PTPRG: variants seen among roughly 807,000 people sequenced by gnomAD.
PTPRG encodes protein tyrosine phosphatase receptor type G.
Under a neutral mutation model 165.3 loss-of-function variants are expected in PTPRG, and 102 were observed. That is an observed-to-expected ratio of 0.62 (90% CI 0.53 to 0.73). PTPRG has a LOEUF of 0.73. PTPRG is among the 30% of genes least tolerant of loss of function. The probability of loss-of-function intolerance (pLI) is 0.00; values close to 1 mark genes in which losing one functional copy is unlikely to be tolerated. For missense variants in PTPRG, 1,866 were observed against 1,861.4 expected (o/e 1.00, Z -0.05); for synonymous variants, 675 against 669.5 (o/e 1.01, Z -0.13).
rs1216976535 is a variant in PTPRG at position 62,190,872 on chromosome 3, A to T, written c.1034-597A>T. 6.6e-6 allele frequency among the ~76,000 whole-genome samples: 1 copy of T among 152,212 alleles called. No individual in the cohort carries two copies. The highest frequency in any genetic ancestry group is 1.5e-5 in the Non-Finnish European group (1 of 68,038). ...AGGATCTTTTGGAGACAGCGGGGAA[A>T]ATTTGAATATGGACTATATATGAGA... On this transcript the variant is annotated intron_variant, in intron 8 of 29. Coordinates refer to ENST00000474889, the MANE Select transcript of PTPRG (RefSeq NM_002841.4). This position sits in a 1 kb window ranked among gnomAD's most constrained non-coding sequence, Gnocchi z 5.2.
chr3:61,922,655 T>A (rs2039107138), intron 2 of PTPRG, among the ~76,000 whole-genome samples: 1 of 152,228 alleles, frequency 6.6e-6, no homozygotes, highest in Non-Finnish European at 1.5e-5. Flanking sequence ...GTCTTTTATC[T>A]TTTGAGGCAG....
At chr3:62,187,194 AC>A (rs1405056127) in intron 8 of PTPRG, among the ~76,000 whole-genome samples, 1 of 152,232 alleles carries the variant, frequency 6.6e-6, no homozygotes, top group Non-Finnish European at 1.5e-5. Flanking sequence ...AGTCAATAAT[AC>A]AACTCCACGT....
chr3:61,597,213 A>C (rs953311348), intron 1 of PTPRG, among the ~76,000 whole-genome samples: 1 of 152,178 alleles, frequency 6.6e-6, no homozygotes, highest in Non-Finnish European at 1.5e-5. Context: ...GCTCCACCCA[A>C]CACTGCTGAA....
intron 1 of PTPRG, among the ~76,000 whole-genome samples, chr3:61,575,623 A>G (rs1181018487): frequency 8.3e-6 from 1 of 120,630 alleles, no homozygotes; most frequent in Non-Finnish European, 1.6e-5. Context: ...TTTTTTTGAG[A>G]TGGAGTCTCG....
chr3:61,854,290 C>T (rs1375093928), intron 2 of PTPRG, among the ~76,000 whole-genome samples: 1 of 152,132 alleles, frequency 6.6e-6, no homozygotes, highest in African/African-American at 2.4e-5. Flanking sequence ...AACCAGTGCC[C>T]TGAGTTTTCA....
At chr3:62,139,674 C>T (rs553700642) in intron 6 of PTPRG, among the ~76,000 whole-genome samples, 3 of 152,276 alleles carry the variant, frequency 2.0e-5, no homozygotes, top group African/African-American at 4.8e-5. Flanking sequence ...TGTCGAAACA[C>T]GGCACTGGCA....
At chr3:61,607,698 G>A (rs1415235462) in intron 1 of PTPRG, among the ~76,000 whole-genome samples, 2 of 152,194 alleles carry the variant, frequency 1.3e-5, no homozygotes, top group African/African-American at 4.8e-5. Flanking sequence ...GGAGGGGGAA[G>A]TTGTAGCATT....
intron 1 of PTPRG, among the ~76,000 whole-genome samples, chr3:61,735,620 A>G (rs946237946): frequency 9.9e-5 from 15 of 152,026 alleles, no homozygotes; most frequent in Non-Finnish European, 1.9e-4. Context: ...TTGAGGGGGA[A>G]GAAATGTTCC....
At chr3:61,658,049 G>C (rs1301656482) in intron 1 of PTPRG, among the ~76,000 whole-genome samples, 1 of 152,190 alleles carries the variant, frequency 6.6e-6, no homozygotes, top group Non-Finnish European at 1.5e-5. Context: ...AAATGTTTGG[G>C]AAGTATAAGA....
chr3:61,830,564 T>A (rs1300838448), intron 2 of PTPRG, among the ~76,000 whole-genome samples: 3 of 125,674 alleles, frequency 2.4e-5, no homozygotes, highest in Non-Finnish European at 4.8e-5. Context: ...CTTTTTGTTT[T>A]TGTTTTTTTT....
intron 2 of PTPRG, among the ~76,000 whole-genome samples, chr3:61,968,293 C>T (rs576573942): frequency 6.6e-6 from 1 of 152,234 alleles, no homozygotes; most frequent in South Asian, 2.1e-4. Flanking sequence ...CTTTCACTTA[C>T]TAAATGGCTT....
intron 1 of PTPRG, among the ~76,000 whole-genome samples, chr3:61,620,092 A>G (rs1701409233): frequency 6.6e-6 from 1 of 152,192 alleles, no homozygotes; most frequent in Admixed American, 6.5e-5. Flanking sequence ...AGTATTGAGT[A>G]GAATAATAAA....
chr3:61,900,110 A>G (rs976311475), intron 2 of PTPRG, among the ~76,000 whole-genome samples: 2 of 152,158 alleles, frequency 1.3e-5, no homozygotes, highest in Non-Finnish European at 2.9e-5. Context: ...AATTACAAGT[A>G]TCAAATGACA....
Position 61,737,078 on chromosome 3 carries a change from A to G in PTPRG, c.86-11800A>G, listed in dbSNP as rs562736082. ...GGATGCCACCCTTTTTCCTGCCTCA[A>G]CATCCTTGTATGTGCTGTTCCCCTG... On this transcript the variant is annotated intron_variant, in intron 1 of 29. Coordinates refer to ENST00000474889, the MANE Select transcript of PTPRG (RefSeq NM_002841.4). Among the ~76,000 whole-genome samples, 67 of 152,130 alleles carry G rather than the reference A, an allele frequency of 4.4e-4. 1 individual carries two copies. The highest frequency in any genetic ancestry group is 1.6e-3 in the African/African-American group (66 of 41,512).
intron 1 of PTPRG, among the ~76,000 whole-genome samples, chr3:61,718,706 G>T (rs1379836347): frequency 6.6e-6 from 1 of 152,240 alleles, no homozygotes; most frequent in African/African-American, 2.4e-5. Flanking sequence ...GGGACTTGAA[G>T]TGGCCCAGAG....
chr3:61,979,949 A>T (rs913976767), intron 2 of PTPRG, among the ~76,000 whole-genome samples: 1 of 150,640 alleles, frequency 6.6e-6, no homozygotes, highest in African/African-American at 2.4e-5. Context: ...TTTTCCTCTC[A>T]GCCTTTATGT....
chr3:61,592,453 T>TG lies in PTPRG; in HGVS notation c.85+30086dup, dbSNP rs559890968. On this transcript the variant is annotated intron_variant, in intron 1 of 29. Coordinates refer to ENST00000474889, the MANE Select transcript of PTPRG (RefSeq NM_002841.4). ...TGGAGTTTCTCTCAGTAAGAGGCAC[T>TG]GGGGGAAAAAAGGACTGAATTTTCC... 1.9e-4 allele frequency among the ~76,000 whole-genome samples: 29 copies of TG among 152,142 alleles called. No individual in the cohort carries two copies. In the East Asian group the frequency reaches 5.2e-3, roughly 27 times the overall value.
chr3:61,705,521 A>G (rs1277143010), intron 1 of PTPRG, among the ~76,000 whole-genome samples: 2 of 152,108 alleles, frequency 1.3e-5, no homozygotes, highest in African/African-American at 4.8e-5. Flanking sequence ...GAAAAAAAAA[A>G]TACTATTTAC....
chr3:62,223,852 TAC>T (rs1340181199), intron 13 of PTPRG, among the ~76,000 whole-genome samples: 1 of 152,234 alleles, frequency 6.6e-6, no homozygotes, highest in African/African-American at 2.4e-5. Flanking sequence ...TGTATAGCTG[TAC>T]AGAGTTTCCA....
Sources: gnomAD v4.1 joint callset for allele counts (sites outside exome capture counted in the v4.1 genomes callset) on GRCh38, gnomAD v4.1.1 for gene constraint, Gnocchi (gnomAD v3.1) non-coding constraint, MANE v1.5 for transcripts, NCBI Gene and HGNC (gene_info 2026-07-23, HGNC 2026-07-21) for gene names.